EFR3A: variants seen among roughly 807,000 people sequenced by gnomAD.
EFR3A encodes the protein EFR3 homolog A, also known as protein EFR3 homolog A.
A neutral mutation model predicts 104.4 loss-of-function variants in EFR3A; 76 were observed. That is an observed-to-expected ratio of 0.73 (90% CI 0.60 to 0.88). The LOEUF (loss-of-function observed/expected upper bound fraction) is 0.88, where lower values mean the gene tolerates loss of function less well. Among genes scored for constraint, EFR3A ranks in the 40% least tolerant of loss-of-function variants. EFR3A has a pLI of 0.00. For missense variants in EFR3A, 985 were observed against 1,012.5 expected (o/e 0.97, Z 0.37); for synonymous variants, 330 against 330.0 (o/e 1.00, Z 0.00).
Position 131,904,128 on chromosome 8 carries a change from G to T in EFR3A, c.-185G>T. 1.7e-6 allele frequency: 1 copy of T among 598,936 alleles called. No homozygotes were observed. Among genetic ancestry groups the T allele is most frequent in the South Asian group, 8.6e-5 (1 of 11,624 alleles). The allele number at this position is 598,936 out of a possible 1,614,324, so 37.1% of individuals were successfully genotyped here. On this transcript the variant is annotated 5_prime_UTR_variant, in exon 1 of 23. Transcript: ENST00000254624. ...CCGCCCGGCGAGGAGTGGGCTGGCG[G>T]CGGTAGCTGTCGCCCGCTTGGTTGC... is the stretch of plus-strand genomic sequence containing the variant.
At position 131,986,239 on chromosome 8, in the gene EFR3A, C is replaced by G. The variant is rs761988019; in HGVS notation, c.1915C>G (p.His639Asp). ...GGAAGCCCCTTATTTTCTACCAGAG[C>G]ATATCTTCAGAGATAAGTGCATGTA... is the stretch of plus-strand genomic sequence containing the variant. ...TMEAPYFLPEHIFRDKCMLPK... is the reference protein window; with the variant it reads ...TMEAPYFLPEDIFRDKCMLPK... Residue 639 changes from histidine to aspartate, a missense_variant, in exon 17 of 23, where the codon CAT (histidine) becomes GAT (aspartate). Physicochemically the swap from His to Asp is moderately conservative, Grantham distance 81 (BLOSUM62 -1). Transcript: ENST00000254624. 1 of 1,589,280 alleles carries G rather than the reference C, an allele frequency of 6.3e-7. No individual in the cohort carries two copies. Among genetic ancestry groups the G allele is most frequent in the South Asian group, 1.1e-5 (1 of 89,276 alleles).
At chr8:131,984,332 C>T in intron 15 of EFR3A, 32 bp downstream of exon 15, 1 of 1,474,144 alleles carries the variant, frequency 6.8e-7, no homozygotes, top group Non-Finnish European at 9.0e-7. Context: ...CTGCAGAAAA[C>T]ATTTTTTATA....
intron 18 of EFR3A, among the ~76,000 whole-genome samples, chr8:131,993,723 C>T (rs1240323171): frequency 6.6e-6 from 1 of 151,850 alleles, no homozygotes; most frequent in Non-Finnish European, 1.5e-5. Context: ...AAAAAAATAC[C>T]CCATCTCTGC....
In EFR3A at chr8:131,952,216, C is replaced by T. The variant is rs529282021; in HGVS notation, c.489-1602C>T. Among the ~76,000 whole-genome samples the T allele has an allele frequency of 2.2e-4, 33 of 152,258 alleles. No homozygotes were observed. In the South Asian group the frequency reaches 6.8e-3, roughly 32 times the overall value. ...AAACAGGAACAGCTAACACTGAGTG[C>T]TTTCTGTGTGCCAGTTATTGTTTAA... On this transcript the variant is annotated intron_variant, in intron 5 of 22. Transcript: ENST00000254624.
At chr8:131,955,720 C>T in intron 6 of EFR3A, 48 bp from the exon 7 acceptor site, 2 of 1,574,508 alleles carry the variant, frequency 1.3e-6, no homozygotes, top group East Asian at 4.5e-5. Flanking sequence ...TTTATTAGAA[C>T]TGATATTAAA....
At chr8:132,007,762 A>G (rs1278604789) in intron 22 of EFR3A, among the ~76,000 whole-genome samples, 1 of 152,040 alleles carries the variant, frequency 6.6e-6, no homozygotes, top group Non-Finnish European at 1.5e-5. Context: ...GTATAAGAGT[A>G]CACAAAGAGA....
intron 8 of EFR3A, among the ~76,000 whole-genome samples, chr8:131,966,363 A>G (rs1445352826): frequency 2.0e-5 from 3 of 152,192 alleles, no homozygotes; most frequent in Non-Finnish European, 4.4e-5. Flanking sequence ...ATACATATAT[A>G]GTACTTAGAA....
In EFR3A at chr8:131,946,650, T is replaced by A. The variant is rs1360711789; in HGVS notation, c.366+17T>A. 1.3e-6 allele frequency: 2 copies of A among 1,538,946 alleles called. No homozygotes were observed. The highest frequency in any genetic ancestry group is 4.1e-5 in the Admixed American group (2 of 48,628). On this transcript the variant is annotated intron_variant, in intron 4 of 22. Transcript: ENST00000254624. ...ACAAATTCTGTGAGTAAAACTATTC[T>A]GTTACTAAATGTATGCTTAATTAGC... is the stretch of plus-strand genomic sequence containing the variant.
At chr8:131,971,256 T>A (rs1820036797) in intron 10 of EFR3A, among the ~76,000 whole-genome samples, 1 of 152,220 alleles carries the variant, frequency 6.6e-6, no homozygotes, top group Non-Finnish European at 1.5e-5. Context: ...TAGGATCATA[T>A]ATTGCATTTA....
At chr8:131,928,055 T>G (rs1817388180) in intron 1 of EFR3A, among the ~76,000 whole-genome samples, 1 of 152,194 alleles carries the variant, frequency 6.6e-6, no homozygotes, top group Non-Finnish European at 1.5e-5. Context: ...ATTTTTTGAA[T>G]TTTAGTCTTT....
chr8:131,987,621 A>G lies in EFR3A; in HGVS notation c.1984A>G (p.Thr662Ala). The G allele has an allele frequency of 6.3e-7, 1 of 1,597,954 alleles. No homozygotes were observed. Among genetic ancestry groups the G allele is most frequent in the Non-Finnish European group, 8.5e-7 (1 of 1,171,142 alleles). Reference sequence around the variant, plus strand: ...GCATGAAAAAGATTTGTACTTTCTGACCAACAAGATTGCAGAGTCGCTAGG... The same window carrying G: ...GCATGAAAAAGATTTGTACTTTCTGGCCAACAAGATTGCAGAGTCGCTAGG... ...EKHEKDLYFL[T>A]NKIAESLGGS... Residue 662 changes from threonine (T) to alanine (A), a missense_variant, in exon 18 of 23, where the codon ACC (threonine) becomes GCC (alanine). Transcript: ENST00000254624.
At position 131,979,112 on chromosome 8, in the gene EFR3A, G is replaced by T. The variant is rs71526229; in HGVS notation, c.1499+93G>T. The T allele has an allele frequency of 0.025, 32,037 of 1,288,072 alleles. 886 individuals carry two copies. The highest frequency in any genetic ancestry group is 0.12 in the South Asian group (7,391 of 61,916). 79.8% of individuals were successfully genotyped at this position (1,288,072 alleles called of 1,614,324 possible). On this transcript the variant is annotated intron_variant, in intron 13 of 22. Coordinates refer to ENST00000254624, the MANE Select transcript of EFR3A (RefSeq NM_015137.6). Reference sequence around the variant, plus strand: ...ATTGTGATTTTTAAAAATCTAGCATGTTCAGGTTTTATTAATCCATAATTT... The same window carrying T: ...ATTGTGATTTTTAAAAATCTAGCATTTTCAGGTTTTATTAATCCATAATTT...
At chr8:131,924,309 T>C (rs1817193874) in intron 1 of EFR3A, 1 of 232,742 alleles carries the variant, frequency 4.3e-6, no homozygotes, top group Non-Finnish European at 9.0e-6. Context: ...ATAATTAATT[T>C]TTTCACCAAG....
intron 5 of EFR3A, 83 bp downstream of exon 5, chr8:131,950,173 AG>A: frequency 7.3e-7 from 1 of 1,367,836 alleles, no homozygotes; most frequent in Non-Finnish European, 9.9e-7. Context: ...TGATTACCAG[AG>A]GAAACAATAA....
chr8:131,978,925 C>G lies in EFR3A; in HGVS notation c.1405C>G (p.Leu469Val). The G allele has an allele frequency of 6.2e-7, 1 of 1,613,252 alleles. No homozygotes were observed. Among genetic ancestry groups the G allele is most frequent in the Middle Eastern group, 1.7e-4 (1 of 6,060 alleles). ...SFLDPLLSPS[L>V]MEDYELRQLV... ...CCTGGATCCTTTGTTATCACCATCT[C>G]TCATGGAGGACTACGAACTGAGACA... The change falls in exon 13 of 23, where the codon CTC becomes GTC. Residue 469 changes from leucine (L) to valine (V), a missense_variant. By Grantham distance (32) the Leu-to-Val change is conservative. Coordinates refer to ENST00000254624, the MANE Select transcript of EFR3A (RefSeq NM_015137.6).
At chr8:131,964,348 T>G (rs1720774770) in intron 8 of EFR3A, among the ~76,000 whole-genome samples, 1 of 152,114 alleles carries the variant, frequency 6.6e-6, no homozygotes, top group African/African-American at 2.4e-5. Context: ...AAAATCTCCT[T>G]AAGCTGATAA....
chr8:131,962,976 A>G (rs1209425432), intron 8 of EFR3A, among the ~76,000 whole-genome samples: 4 of 151,148 alleles, frequency 2.6e-5, no homozygotes, highest in East Asian at 1.9e-4. Context: ...ACTACTGGGT[A>G]TATAACGAAA....
intron 22 of EFR3A, among the ~76,000 whole-genome samples, chr8:132,009,760 G>A (rs1822238012): frequency 6.6e-6 from 1 of 151,944 alleles, no homozygotes. Flanking sequence ...AATTAATACA[G>A]GAGTATTTCT....
chr8:131,930,975 A>C (rs1261844686), intron 1 of EFR3A, among the ~76,000 whole-genome samples: 1 of 152,196 alleles, frequency 6.6e-6, no homozygotes, highest in African/African-American at 2.4e-5. Flanking sequence ...CACAATAAGA[A>C]AAAGTCATAT....
Sources: allele counts gnomAD v4.1 joint callset (sites outside exome capture counted in the v4.1 genomes callset), GRCh38; gene constraint gnomAD v4.1.1; transcripts MANE v1.5; gene names NCBI Gene and HGNC (gene_info 2026-07-23, HGNC 2026-07-21).